PCDH7: variants seen among roughly 807,000 people sequenced by gnomAD.
PCDH7 encodes protocadherin 7.
Under a neutral mutation model 58.9 loss-of-function variants are expected in PCDH7, and 17 were observed. The observed-to-expected ratio is 0.29, with a 90% CI of 0.20 to 0.43. The LOEUF (loss-of-function observed/expected upper bound fraction) is 0.43, where lower values mean the gene tolerates loss of function less well. Among genes scored for constraint, PCDH7 ranks in the 20% least tolerant of loss-of-function variants. PCDH7 has a pLI of 1.00. For missense variants in PCDH7, 1,274 were observed against 1,441.0 expected (o/e 0.88, Z 1.88); for synonymous variants, 664 against 616.4 (o/e 1.08, Z -1.14).
chr4:31,058,090 A>G lies in PCDH7; in HGVS notation c.*8-84383A>G, dbSNP rs1278351386. Among the ~76,000 whole-genome samples, 3 of 152,240 alleles carry G rather than the reference A, an allele frequency of 2.0e-5. No individual in the cohort carries two copies. In the East Asian group the frequency reaches 5.8e-4, roughly 29 times the overall value. ...AAATAAGAGTTTGCAGCTTTGAAAT[A>G]GTTTTATTTAGAAGCAGTAGAGAAA... On this transcript the variant is annotated intron_variant, in intron 3 of 3. Coordinates refer to the PCDH7 transcript ENST00000509759.
chr4:31,065,281 A>T (rs567048491), intron 3 of PCDH7, among the ~76,000 whole-genome samples: 1 of 152,136 alleles, frequency 6.6e-6, no homozygotes, highest in East Asian at 1.9e-4. Flanking sequence ...CGTAACATCC[A>T]GGAGAGCAAT....
chr4:31,101,043 A>T lies in PCDH7; in HGVS notation c.*8-41430A>T, dbSNP rs1442265152. On this transcript the variant is annotated intron_variant, in intron 3 of 3. Coordinates refer to the PCDH7 transcript ENST00000509759. ...TACACAAAAGACTGCACAGGAGAGG[A>T]AAAAAAATGTATTTGATTTTCCCAA... 2.0e-5 allele frequency among the ~76,000 whole-genome samples: 3 copies of T among 152,000 alleles called. No individual in the cohort carries two copies. In the East Asian group the frequency reaches 5.8e-4, roughly 29 times the overall value.
At chr4:31,095,968 ACT>A (rs1290657706) in intron 3 of PCDH7, among the ~76,000 whole-genome samples, 1 of 152,180 alleles carries the variant, frequency 6.6e-6, no homozygotes, top group Non-Finnish European at 1.5e-5. Context: ...TTGCCATGAT[ACT>A]CACAATCATC....
At chr4:30,940,859 A>G (rs1441593091) in intron 2 of PCDH7, among the ~76,000 whole-genome samples, 2 of 152,004 alleles carry the variant, frequency 1.3e-5, no homozygotes, top group Non-Finnish European at 2.9e-5. Context: ...CTGCAGTTTT[A>G]TCTTCTGTCA....
At chr4:30,775,364 TA>T (rs981584020) in intron 1 of PCDH7, among the ~76,000 whole-genome samples, 13 of 152,178 alleles carry the variant, frequency 8.5e-5, no homozygotes, top group Admixed American at 3.3e-4. Flanking sequence ...ATAAATATTG[TA>T]TATCTAAATA....
intron 3 of PCDH7, among the ~76,000 whole-genome samples, chr4:31,036,079 G>A (rs1011485727): frequency 6.6e-6 from 1 of 152,170 alleles, no homozygotes; most frequent in Admixed American, 6.5e-5. Flanking sequence ...TATTATAAAT[G>A]TGTTTTACAC....
chr4:30,797,284 T>G (rs1343404095), intron 1 of PCDH7, among the ~76,000 whole-genome samples: 1 of 151,478 alleles, frequency 6.6e-6, no homozygotes, highest in East Asian at 2.0e-4. Context: ...TTTGGTTTGG[T>G]TTTTTTGAGA....
Position 30,722,906 on chromosome 4 carries a change from A to G in PCDH7, c.1484A>G (p.Tyr495Cys). 2 of 1,613,812 alleles carry G rather than the reference A, an allele frequency of 1.2e-6. No homozygotes were observed. The highest frequency in any genetic ancestry group is 1.7e-6 in the Non-Finnish European group (2 of 1,180,036). The stretch of plus-strand genomic sequence containing the variant: ...TTGCACACCTCGACCCCTCTGGACT[A>G]TGAGGCCACCCGGGAGTTCAACGTG... The change falls in exon 1 of 2, where the codon TAT (tyrosine) becomes TGT (cysteine). Residue 495 changes from tyrosine (Y) to cysteine (C), a missense_variant. Tyr to Cys is a radical substitution (Grantham distance 194). This residue lies in a region of PCDH7 where 731 missense variants were observed against 881.9 expected (regional missense o/e 0.83). Transcript: ENST00000361762. The surrounding 1 kb of genome is among the most constrained non-coding windows in gnomAD (Gnocchi z 7.6).
chr4:30,772,200 G>A (rs796331848), intron 1 of PCDH7, among the ~76,000 whole-genome samples: 6 of 152,224 alleles, frequency 3.9e-5, no homozygotes, highest in African/African-American at 9.6e-5. Context: ...CACTTCCATA[G>A]GTTCTGATTT....
intron 3 of PCDH7, among the ~76,000 whole-genome samples, chr4:31,123,812 A>G (rs1260477729): frequency 6.6e-6 from 1 of 152,046 alleles, no homozygotes; most frequent in African/African-American, 2.4e-5. Context: ...TCTCAGTGTG[A>G]TGGGGGTCTG....
chr4:31,080,283 T>A (rs1261907117), intron 3 of PCDH7, among the ~76,000 whole-genome samples: 1 of 152,078 alleles, frequency 6.6e-6, no homozygotes, highest in Non-Finnish European at 1.5e-5. Flanking sequence ...TTAGAAAGTT[T>A]TTTTTTTAAC....
chr4:30,991,815 ATATT>A (rs1751487001), intron 3 of PCDH7, among the ~76,000 whole-genome samples: 1 of 152,168 alleles, frequency 6.6e-6, no homozygotes, highest in Non-Finnish European at 1.5e-5. Context: ...TAAAATGTAT[ATATT>A]TATGTATTAA....
At chr4:30,855,430 A>G (rs959725864) in intron 1 of PCDH7, among the ~76,000 whole-genome samples, 7 of 152,148 alleles carry the variant, frequency 4.6e-5, no homozygotes, top group African/African-American at 1.7e-4. Context: ...GTGATTAACA[A>G]TAGCTGGCCA....
At chr4:30,777,914 G>A (rs1489438301) in intron 1 of PCDH7, among the ~76,000 whole-genome samples, 3 of 152,056 alleles carry the variant, frequency 2.0e-5, no homozygotes, top group Non-Finnish European at 2.9e-5. Context: ...AAATTTTAGA[G>A]CCTATCATCT....
At chr4:30,840,696 T>A in intron 1 of PCDH7, among the ~76,000 whole-genome samples, 1 of 152,022 alleles carries the variant, frequency 6.6e-6, no homozygotes, top group East Asian at 1.9e-4. Flanking sequence ...AGAACAAAAT[T>A]TTTTTTGCAG....
intron 3 of PCDH7, among the ~76,000 whole-genome samples, chr4:31,018,420 A>G (rs1753778954): frequency 6.6e-6 from 1 of 152,164 alleles, no homozygotes; most frequent in Non-Finnish European, 1.5e-5. Context: ...TACTACCAGT[A>G]TCCTTAAACT....
At chr4:30,973,367 T>A (rs183138394) in intron 3 of PCDH7, among the ~76,000 whole-genome samples, 2 of 152,278 alleles carry the variant, frequency 1.3e-5, no homozygotes, top group Admixed American at 6.5e-5. Flanking sequence ...TGAGTTTACA[T>A]AGATGTTTTA....
At chr4:30,762,698 T>C (rs572874370) in intron 1 of PCDH7, among the ~76,000 whole-genome samples, 2 of 152,340 alleles carry the variant, frequency 1.3e-5, no homozygotes, top group East Asian at 3.9e-4. Context: ...ATTACTGTCT[T>C]GGACTGGATT....
At chr4:31,000,408 T>C (rs576472678) in intron 3 of PCDH7, among the ~76,000 whole-genome samples, 4 of 152,282 alleles carry the variant, frequency 2.6e-5, no homozygotes, top group African/African-American at 7.2e-5. Flanking sequence ...TTACAAGGTA[T>C]ATCTTAAACA....
Sources: allele counts gnomAD v4.1 joint callset (sites outside exome capture counted in the v4.1 genomes callset), GRCh38; gene constraint gnomAD v4.1.1; regional missense constraint gnomAD v4.1.1; non-coding constraint Gnocchi (gnomAD v3.1); transcripts MANE v1.5; gene names NCBI Gene and HGNC (gene_info 2026-07-23, HGNC 2026-07-21).